Variants in TRERF1 observed in about 807,000 individuals in gnomAD.
The protein encoded by TRERF1 is transcriptional-regulating factor 1.
A neutral mutation model predicts 122.9 loss-of-function variants in TRERF1; 27 were observed. The ratio of observed to expected loss-of-function variants is 0.22; its 90% CI spans 0.16 to 0.30. TRERF1 has a LOEUF of 0.30. TRERF1 is among the 10% of genes least tolerant of loss of function. TRERF1 has a pLI of 1.00. For missense variants in TRERF1, 1,248 were observed against 1,560.3 expected (o/e 0.80, Z 3.37); for synonymous variants, 636 against 641.7 (o/e 0.99, Z 0.13).
At chr6:42,433,488 G>A (rs940333360) in intron 2 of TRERF1, among the ~76,000 whole-genome samples, 1 of 151,966 alleles carries the variant, frequency 6.6e-6, no homozygotes, top group Non-Finnish European at 1.5e-5. Context: ...GTGGCAAGCA[G>A]ATGAAACTCT....
At chr6:42,304,221 G>A (rs1362581821) in intron 3 of TRERF1, among the ~76,000 whole-genome samples, 1 of 152,200 alleles carries the variant, frequency 6.6e-6, no homozygotes, top group African/African-American at 2.4e-5. Flanking sequence ...GCCTCACGGG[G>A]GTGTTACTTT....
intron 2 of TRERF1, among the ~76,000 whole-genome samples, chr6:42,405,832 A>T (rs945518419): frequency 6.6e-6 from 1 of 151,772 alleles, no homozygotes; most frequent in Non-Finnish European, 1.5e-5. Flanking sequence ...AAAAATAAAA[A>T]AAAAATAGGG....
chr6:42,356,436 A>G lies in TRERF1; in HGVS notation c.-371+6561T>C, dbSNP rs567349334. 3.9e-5 allele frequency among the ~76,000 whole-genome samples: 6 copies of G among 152,350 alleles called. No individual in the cohort carries two copies. In the East Asian group the frequency reaches 1.2e-3, roughly 29 times the overall value. On this transcript the variant is annotated intron_variant, in intron 3 of 17. Coordinates refer to ENST00000372922, the Ensembl canonical transcript of TRERF1. ...AGGAGATTCCTGTCTCTGAGTGCAC[A>G]AGGAAGAGATCAGGTGAGCACACAG...
intron 2 of TRERF1, among the ~76,000 whole-genome samples, chr6:42,429,401 C>A (rs963636045): frequency 6.6e-6 from 1 of 152,122 alleles, no homozygotes; most frequent in African/African-American, 2.4e-5. Context: ...GTGAACCAAC[C>A]ACAGGAGAAA....
intron 2 of TRERF1, among the ~76,000 whole-genome samples, chr6:42,422,868 T>TC (rs1783004971): frequency 6.6e-6 from 1 of 152,022 alleles, no homozygotes; most frequent in African/African-American, 2.4e-5. Context: ...AGATGGAGTT[T>TC]CGCTCTTGTT....
chr6:42,432,301 T>C (rs752194178), intron 2 of TRERF1, among the ~76,000 whole-genome samples: 10 of 152,268 alleles, frequency 6.6e-5, no homozygotes, highest in Non-Finnish European at 1.0e-4. Flanking sequence ...AAAAGGTCTA[T>C]AGTTTTATTT....
chr6:42,387,285 C>T (rs1477090471), intron 2 of TRERF1, among the ~76,000 whole-genome samples: 2 of 152,342 alleles, frequency 1.3e-5, no homozygotes, highest in East Asian at 3.9e-4. Context: ...AATGCAGAAA[C>T]TAGAACATCA....
intron 2 of TRERF1, among the ~76,000 whole-genome samples, chr6:42,371,473 G>A (rs1040503820): frequency 1.3e-5 from 2 of 152,168 alleles, no homozygotes; most frequent in African/African-American, 4.8e-5. Context: ...CACACAGGAG[G>A]CAGACTGAGG....
intron 4 of TRERF1, among the ~76,000 whole-genome samples, chr6:42,274,538 G>A (rs1215649488): frequency 6.6e-6 from 1 of 152,052 alleles, no homozygotes; most frequent in Non-Finnish European, 1.5e-5. Flanking sequence ...AATTAGCCAG[G>A]CGTGGTGGTG....
chr6:42,255,726 G>A (rs1456643127), intron 12 of TRERF1, among the ~76,000 whole-genome samples: 2 of 152,164 alleles, frequency 1.3e-5, no homozygotes, highest in Non-Finnish European at 2.9e-5. Context: ...TCATAGTATT[G>A]GGACATTTAT....
At chr6:42,366,151 T>C (rs900708540) in intron 2 of TRERF1, among the ~76,000 whole-genome samples, 1 of 152,138 alleles carries the variant, frequency 6.6e-6, no homozygotes, top group African/African-American at 2.4e-5. Context: ...CCAACCCAGC[T>C]TACCAAGCTC....
At chr6:42,355,933 T>C (rs995213514) in intron 3 of TRERF1, among the ~76,000 whole-genome samples, 2 of 152,242 alleles carry the variant, frequency 1.3e-5, no homozygotes, top group African/African-American at 2.4e-5. Context: ...CATGGAATAT[T>C]GGATGTGTTG....
chr6:42,320,632 C>T (rs1335027420), intron 3 of TRERF1, among the ~76,000 whole-genome samples: 2 of 151,628 alleles, frequency 1.3e-5, no homozygotes, highest in African/African-American at 4.9e-5. Flanking sequence ...ACCTCAGCCT[C>T]CTGAGTAGCA....
chr6:42,298,648 T>C (rs1173500048), intron 4 of TRERF1, among the ~76,000 whole-genome samples: 1 of 148,858 alleles, frequency 6.7e-6, no homozygotes, highest in Non-Finnish European at 1.5e-5. Context: ...CTACTTAAAA[T>C]ACAAAAATTG....
intron 2 of TRERF1, among the ~76,000 whole-genome samples, chr6:42,409,445 T>C (rs1169481160): frequency 6.6e-6 from 1 of 152,188 alleles, no homozygotes; most frequent in East Asian, 1.9e-4. Context: ...CATCCTTTGA[T>C]ATGCATGTCC....
chr6:42,363,347 C>A (rs1039806371), intron 2 of TRERF1, among the ~76,000 whole-genome samples: 5 of 152,208 alleles, frequency 3.3e-5, no homozygotes, highest in Non-Finnish European at 4.4e-5. Flanking sequence ...CTTTCCCTCA[C>A]ACCCCACGTC....
intron 2 of TRERF1, among the ~76,000 whole-genome samples, chr6:42,446,605 T>C (rs1787563317): frequency 6.6e-6 from 1 of 152,204 alleles, no homozygotes; most frequent in Non-Finnish European, 1.5e-5. Context: ...CAATTATCAA[T>C]ATATTTCTGG....
At chr6:42,377,807 C>T (rs1188994797) in intron 2 of TRERF1, among the ~76,000 whole-genome samples, 1 of 152,154 alleles carries the variant, frequency 6.6e-6, no homozygotes, top group African/African-American at 2.4e-5. Flanking sequence ...TTCAGTGCCT[C>T]TCAAATTGTG....
At position 42,276,019 on chromosome 6, in the gene TRERF1, T is replaced by C. The variant is rs9471829; in HGVS notation, c.-258-6171A>G. 0.065 allele frequency among the ~76,000 whole-genome samples: 9,896 copies of C among 152,280 alleles called. 1,083 individuals are homozygous for C. Among genetic ancestry groups the C allele is most frequent in the African/African-American group, 0.22 (9,316 of 41,532 alleles). On this transcript the variant is annotated intron_variant, in intron 4 of 17. Coordinates refer to ENST00000372922, the Ensembl canonical transcript of TRERF1. This position sits in a 1 kb window ranked among gnomAD's most constrained non-coding sequence, Gnocchi z 4.3. ...CTTCTTTTGATTTTTCTTCAACCAA[T>C]TAAAAATGTAAAAATCCTTCTTCAC...
Sources: allele counts gnomAD v4.1 joint callset (sites outside exome capture counted in the v4.1 genomes callset), GRCh38; gene constraint gnomAD v4.1.1; non-coding constraint Gnocchi (gnomAD v3.1); transcripts MANE v1.5; gene names NCBI Gene and HGNC (gene_info 2026-07-23, HGNC 2026-07-21).